CSMD1: variants seen among roughly 807,000 people sequenced by gnomAD.
The protein encoded by CSMD1 is CUB and Sushi multiple domains 1, also known as CUB and sushi domain-containing protein 1.
Under a neutral mutation model 417.5 loss-of-function variants are expected in CSMD1, and 213 were observed. The ratio of observed to expected loss-of-function variants is 0.51; its 90% CI spans 0.46 to 0.57. CSMD1 has a LOEUF of 0.57. CSMD1 is among the 20% of genes least tolerant of loss of function. The pLI, the probability that CSMD1 is intolerant of heterozygous loss-of-function variation, is 0.00. For missense variants in CSMD1, 6,923 were observed against 4,529.7 expected (o/e 1.53, Z -15.17); for synonymous variants, 2,862 against 1,736.8 (o/e 1.65, Z -16.11).
intron 5 of CSMD1, among the ~76,000 whole-genome samples, chr8:3,991,045 TG>T (rs1314122061): frequency 6.6e-6 from 1 of 152,176 alleles, no homozygotes; most frequent in Non-Finnish European, 1.5e-5. Context: ...ACTCCACTTG[TG>T]GGGCTGCAGC....
chr8:4,066,375 A>T (rs1799249170), intron 3 of CSMD1, among the ~76,000 whole-genome samples: 1 of 152,190 alleles, frequency 6.6e-6, no homozygotes, highest in East Asian at 1.9e-4. Flanking sequence ...AGTCCCACTC[A>T]GCGCAGGGAT....
chr8:4,445,518 GGTTTT>G lies in CSMD1; in HGVS notation c.303-25458_303-25454del, dbSNP rs1798730688. Among the ~76,000 whole-genome samples, 2 of 152,116 alleles carry G rather than the reference GGTTTT, an allele frequency of 1.3e-5. 1 individual carries two copies. ...CATAAAGCCAATTTTATACTTCATT[GGTTTT>G]GTTTTCATTTGGGTAGCTTGTGTGA... On this transcript the variant is annotated intron_variant, in intron 2 of 69. Transcript: ENST00000635120.
chr8:3,651,915 A>T (rs1038923974), intron 7 of CSMD1, among the ~76,000 whole-genome samples: 4 of 151,542 alleles, frequency 2.6e-5, no homozygotes, highest in Non-Finnish European at 4.4e-5. Flanking sequence ...GCTTACCATC[A>T]TCAGAGCACC....
At chr8:3,055,086 A>G (rs2128990928) in intron 49 of CSMD1, among the ~76,000 whole-genome samples, 1 of 152,266 alleles carries the variant, frequency 6.6e-6, no homozygotes, top group Non-Finnish European at 1.5e-5. Context: ...AGCTTCCTTA[A>G]AATTCTCATT....
intron 30 of CSMD1, among the ~76,000 whole-genome samples, chr8:3,209,646 G>C (rs1432091840): frequency 6.6e-6 from 1 of 152,130 alleles, no homozygotes; most frequent in Non-Finnish European, 1.5e-5. Context: ...TGTTATGTCT[G>C]CATTACTGTG....
Position 4,500,123 on chromosome 8 carries a change from A to G in CSMD1, c.303-80058T>C, listed in dbSNP as rs535109507. ...GGTATAAAGAGGCTGGGAGAATACA[A>G]TGTCTCTGAAGAGGAGAAGTTATAC... is the stretch of plus-strand genomic sequence containing the variant. On this transcript the variant is annotated intron_variant, in intron 2 of 69. Transcript: ENST00000635120. Among the ~76,000 whole-genome samples, 59 of 152,136 alleles carry G rather than the reference A, an allele frequency of 3.9e-4. No homozygotes were observed. The East Asian group carries it at 0.01, about 26-fold the overall frequency.
intron 3 of CSMD1, among the ~76,000 whole-genome samples, chr8:4,304,389 G>A (rs1202406390): frequency 6.6e-6 from 1 of 152,126 alleles, no homozygotes; most frequent in Admixed American, 6.5e-5. Flanking sequence ...GTTGTAAATA[G>A]AGAAATTATT....
intron 3 of CSMD1, among the ~76,000 whole-genome samples, chr8:4,325,333 G>T (rs1449176086): frequency 2.6e-5 from 4 of 152,092 alleles, no homozygotes; most frequent in Admixed American, 6.6e-5. Flanking sequence ...AGTTGGAGGT[G>T]GAGGGTTCTC....
chr8:4,020,451 G>C (rs1375965195), intron 4 of CSMD1, among the ~76,000 whole-genome samples: 2 of 152,176 alleles, frequency 1.3e-5, no homozygotes, highest in African/African-American at 2.4e-5. Flanking sequence ...GATATTATAG[G>C]ATAGGGCTTG....
chr8:4,526,041 A>C (rs141256368), intron 2 of CSMD1, among the ~76,000 whole-genome samples: 4 of 152,286 alleles, frequency 2.6e-5, no homozygotes, highest in African/African-American at 9.6e-5. Flanking sequence ...GCGGGTGATG[A>C]ATTATCTTTA....
intron 3 of CSMD1, among the ~76,000 whole-genome samples, chr8:4,109,641 G>A (rs1234067392): frequency 1.3e-5 from 2 of 152,126 alleles, no homozygotes; most frequent in Non-Finnish European, 2.9e-5. Context: ...AACATCATTG[G>A]CAACCTTGTA....
At chr8:3,074,428 G>A (rs866956588) in intron 49 of CSMD1, among the ~76,000 whole-genome samples, 5 of 152,122 alleles carry the variant, frequency 3.3e-5, no homozygotes, top group African/African-American at 4.8e-5. Flanking sequence ...CCAGGGCGTC[G>A]GTCACCCCAC....
chr8:4,077,323 G>A (rs902044644), intron 3 of CSMD1, among the ~76,000 whole-genome samples: 7 of 96,432 alleles, frequency 7.3e-5, no homozygotes, highest in African/African-American at 2.8e-4. Flanking sequence ...ATATATATAT[G>A]GTAGACATAT....
chr8:4,464,774 G>T lies in CSMD1; in HGVS notation c.303-44709C>A, dbSNP rs1325130556. ...TTTAAGGCGAGTCCTGCTGAGTGGG[G>T]TGGGGCTGGGCTGAGAGATCAAGAA... On this transcript the variant is annotated intron_variant, in intron 2 of 69. Coordinates refer to ENST00000635120, the MANE Select transcript of CSMD1 (RefSeq NM_033225.6). 2.0e-5 allele frequency among the ~76,000 whole-genome samples: 3 copies of T among 152,178 alleles called. No homozygotes were observed. The East Asian group carries it at 5.8e-4, about 29-fold the overall frequency.
chr8:4,755,235 G>C (rs17071204), intron 1 of CSMD1, among the ~76,000 whole-genome samples: 19,150 of 152,184 alleles, frequency 0.13, 1,309 homozygotes, highest in African/African-American at 0.15. Context: ...CTGAGTCTTT[G>C]TTGTTTATAC....
intron 10 of CSMD1, among the ~76,000 whole-genome samples, chr8:3,537,206 G>T (rs1798239473): frequency 6.6e-6 from 1 of 152,022 alleles, no homozygotes; most frequent in Non-Finnish European, 1.5e-5. Context: ...TCACCATGTT[G>T]GCCAAGATAG....
intron 1 of CSMD1, among the ~76,000 whole-genome samples, chr8:4,758,820 C>T (rs963637288): frequency 1.1e-4 from 16 of 152,244 alleles, no homozygotes; most frequent in African/African-American, 3.9e-4. Context: ...ATAATCCAAC[C>T]ACCTCCCACC....
intron 5 of CSMD1, among the ~76,000 whole-genome samples, chr8:3,969,446 C>T (rs1812924079): frequency 6.6e-6 from 1 of 152,124 alleles, no homozygotes; most frequent in Admixed American, 6.5e-5. Flanking sequence ...TGGTCATGGT[C>T]ACTAGTGTTG....
chr8:4,240,461 C>A (rs937023179), intron 3 of CSMD1, among the ~76,000 whole-genome samples: 2 of 152,238 alleles, frequency 1.3e-5, no homozygotes, highest in African/African-American at 4.8e-5. Flanking sequence ...TTCCACATCT[C>A]AGATAACAAT....
Sources: allele counts gnomAD v4.1 joint callset (sites outside exome capture counted in the v4.1 genomes callset), GRCh38; gene constraint gnomAD v4.1.1; transcripts MANE v1.5; gene names NCBI Gene and HGNC (gene_info 2026-07-23, HGNC 2026-07-21).